TSGA13: variants seen among roughly 807,000 people sequenced by gnomAD.
TSGA13 encodes the protein testis-specific gene 13 protein.
Under a neutral mutation model 35.1 loss-of-function variants are expected in TSGA13, and 37 were observed. The ratio of observed to expected loss-of-function variants is 1.05; its 90% CI spans 0.81 to 1.39. TSGA13 has a LOEUF of 1.39. Ranked by LOEUF, TSGA13 falls within the 40% of genes most tolerant of loss-of-function variation. TSGA13 has a pLI of 0.00. For synonymous variants in TSGA13, 124 were observed against 121.2 expected, an observed-to-expected ratio of 1.02 and a Z score of -0.15; for missense variants, 338 against 328.5, an observed-to-expected ratio of 1.03 and a Z score of -0.22.
chr7:130,677,431 CT>C (rs200435239), intron 5 of TSGA13, among the ~76,000 whole-genome samples: 285 of 144,682 alleles, frequency 2.0e-3, no homozygotes, highest in Middle Eastern at 7.1e-3. Context: ...TTTGCTTTTT[CT>C]TTTTTTTTTT....
chr7:130,670,855 G>A (rs1043333640), intron 7 of TSGA13, among the ~76,000 whole-genome samples: 4 of 151,990 alleles, frequency 2.6e-5, no homozygotes, highest in African/African-American at 9.7e-5. Context: ...TCAAGCCCCT[G>A]GCCTCCAGCA....
chr7:130,670,589 A>T (rs1233469272), intron 7 of TSGA13, among the ~76,000 whole-genome samples: 3 of 152,160 alleles, frequency 2.0e-5, no homozygotes, highest in Non-Finnish European at 4.4e-5. Flanking sequence ...ATAATATTTA[A>T]GGCATTGTGG....
At chr7:130,676,457 T>A (rs999147210) in intron 5 of TSGA13, among the ~76,000 whole-genome samples, 1 of 152,242 alleles carries the variant, frequency 6.6e-6, no homozygotes, top group African/African-American at 2.4e-5. Context: ...CCAGTTTACA[T>A]GATAGCTTTG....
intron 5 of TSGA13, among the ~76,000 whole-genome samples, chr7:130,674,161 CTTTTTTTCTTTTTT>C (rs1182491264): frequency 8.7e-6 from 1 of 114,710 alleles, no homozygotes; most frequent in Non-Finnish European, 2.0e-5. Context: ...TCTTTTTTTT[CTTTTTTTCTTTTTT>C]TTTTTTTTTT....
At position 130,668,847 on chromosome 7, in the gene TSGA13, G is replaced by C; in HGVS notation, c.*167C>G. The stretch of plus-strand genomic sequence containing the variant: ...CCCTCGGCCCCCGGGACGCAGCCAC[G>C]CCCCCTTCTCCTCTTGCGGCCCGCC... On this transcript the variant is annotated 3_prime_UTR_variant, in exon 8 of 8. Transcript: ENST00000356588. 7.7e-7 allele frequency: 1 copy of C among 1,303,254 alleles called. No homozygotes were observed. The highest frequency in any genetic ancestry group is 1.5e-5 in the African/African-American group (1 of 64,532). The allele number at this position is 1,303,254 out of a possible 1,614,324, so 80.7% of individuals were successfully genotyped here.
chr7:130,687,351 A>G (rs544571787), upstream of TSGA13: 1 of 152,324 alleles, frequency 6.6e-6, no homozygotes, highest in East Asian at 1.9e-4. Flanking sequence ...CTGCCTCTTA[A>G]GCTGTGAGTC....
chr7:130,677,707 G>T (rs1485997713), intron 5 of TSGA13, among the ~76,000 whole-genome samples: 1 of 152,074 alleles, frequency 6.6e-6, no homozygotes, highest in Non-Finnish European at 1.5e-5. Flanking sequence ...TTACAGGCGT[G>T]AGCCACTGCG....
At position 130,683,607 on chromosome 7, in the gene TSGA13, A is replaced by G. The variant is rs1418903917; in HGVS notation, c.89T>C (p.Val30Ala). Residue 30 changes from valine to alanine, a missense_variant, in exon 3 of 8, where the codon GTC becomes GCC. Val to Ala is a moderately conservative substitution (Grantham distance 64, BLOSUM62 0). Coordinates refer to ENST00000356588, the MANE Select transcript of TSGA13 (RefSeq NM_052933.4). ...AACACTCCTTACCTCTTTGCTATTG[A>G]CAACCATTCCTTTCTCACGTTTAGC... is the stretch of plus-strand genomic sequence containing the variant. The part of the protein sequence containing the change: ...SSAKREKGMV[V>A]NSKEISDAVG... 3 of 1,613,786 alleles carry G rather than the reference A, an allele frequency of 1.9e-6. No homozygotes were observed. The African/African-American group carries it at 4.0e-5, about 22-fold the overall frequency.
At chr7:130,670,607 G>A (rs965199174) in intron 7 of TSGA13, among the ~76,000 whole-genome samples, 5 of 151,952 alleles carry the variant, frequency 3.3e-5, no homozygotes, top group African/African-American at 9.7e-5. Context: ...TGGTATTTTC[G>A]ATTTCTTGTT....
rs1796632906 is a variant in TSGA13, at chr7:130,685,125, G to T, written c.23+63C>A. On this transcript the variant is annotated intron_variant, in intron 2 of 7. Coordinates refer to ENST00000356588, the MANE Select transcript of TSGA13 (RefSeq NM_052933.4). Reference sequence around the variant, plus strand: ...ACCAGCACCATTCAACGTGCTGTGGGCTATGCAATAAGTTAATATAAAGTG... The same window carrying T: ...ACCAGCACCATTCAACGTGCTGTGGTCTATGCAATAAGTTAATATAAAGTG... 5 of 1,504,588 alleles carry T rather than the reference G, an allele frequency of 3.3e-6. No individual in the cohort carries two copies. In the Admixed American group the frequency reaches 8.4e-5, roughly 25 times the overall value. The allele number at this position is 1,504,588 out of a possible 1,614,324, so 93.2% of individuals were successfully genotyped here.
chr7:130,676,987 C>T (rs1198778904), intron 5 of TSGA13, among the ~76,000 whole-genome samples: 2 of 151,514 alleles, frequency 1.3e-5, no homozygotes, highest in African/African-American at 2.4e-5. Context: ...CCGCCTCCCA[C>T]GTTCACTCCA....
At chr7:130,673,758 G>A (rs1365398017) in intron 5 of TSGA13, among the ~76,000 whole-genome samples, 1 of 152,032 alleles carries the variant, frequency 6.6e-6, no homozygotes, top group Non-Finnish European at 1.5e-5. Flanking sequence ...AATATGCCAG[G>A]TGTAGTAACT....
chr7:130,679,241 T>A lies in TSGA13; in HGVS notation c.301A>T (p.Asn101Tyr), dbSNP rs1554464662. The change falls in exon 5 of 8, where the codon AAC becomes TAC. Residue 101 changes from asparagine (N) to tyrosine (Y), a missense_variant. Transcript: ENST00000356588. ...DQDKTLLIMT[N>Y]NPPPCSITQQ... ...GTGATTGAGCAGGGAGGTGGGTTGT[T>A]GGTCATAATCAGTAACGTCTTATCC... is the stretch of plus-strand genomic sequence containing the variant. The A allele has an allele frequency of 6.2e-7, 1 of 1,614,164 alleles. No individual in the cohort carries two copies.
At chr7:130,672,667 A>C in intron 6 of TSGA13, 67 bp downstream of exon 6, 1 of 1,569,900 alleles carries the variant, frequency 6.4e-7, no homozygotes, top group Non-Finnish European at 8.6e-7. Context: ...TGTATGGCAA[A>C]GAACCAGAAA....
At chr7:130,686,652 A>G (rs1796664673), upstream of TSGA13, 1 of 151,288 alleles carries the variant, frequency 6.6e-6, no homozygotes, top group East Asian at 1.9e-4. Context: ...ATATTTAAAC[A>G]AAATCTGCCA....
At chr7:130,683,094 G>T (rs1796586298) in intron 3 of TSGA13, among the ~76,000 whole-genome samples, 1 of 152,136 alleles carries the variant, frequency 6.6e-6, no homozygotes, top group Non-Finnish European at 1.5e-5. Context: ...TTTTACTCCT[G>T]AAGTTTTTTG....
rs574753981 is a variant in TSGA13 at position 130,676,521 on chromosome 7, C to T, written c.387+2634G>A. Among the ~76,000 whole-genome samples the T allele has an allele frequency of 2.6e-5, 4 of 152,368 alleles. No homozygotes were observed. In the South Asian group the frequency reaches 6.2e-4, roughly 24 times the overall value. ...ATCCTGGCCTGGCATTTATCCCTTTCTCAATGTATGGTCCACCCACTGCCA... is the reference window on the plus strand; with the variant it reads ...ATCCTGGCCTGGCATTTATCCCTTTTTCAATGTATGGTCCACCCACTGCCA... On this transcript the variant is annotated intron_variant, in intron 5 of 7. Coordinates refer to ENST00000356588, the MANE Select transcript of TSGA13 (RefSeq NM_052933.4).
intron 7 of TSGA13, among the ~76,000 whole-genome samples, chr7:130,669,731 A>T (rs1796210304): frequency 6.6e-6 from 1 of 152,264 alleles, no homozygotes. Context: ...TGAACTGTTG[A>T]TATCCTACAT....
rs151298405 is a variant in TSGA13, at chr7:130,671,719, C to A, written c.600G>T (p.Lys200Asn). 42 of 1,611,076 alleles carry A rather than the reference C, an allele frequency of 2.6e-5. No individual in the cohort carries two copies. In the African/African-American group the frequency reaches 5.5e-4, roughly 21 times the overall value. Reference sequence around the variant, plus strand: ...CAAAGGTGAGCTGAGGGTACATTTTCTTCTGTGTCCTCAAAGCGTAGACTT... The same window carrying A: ...CAAAGGTGAGCTGAGGGTACATTTTATTCTGTGTCCTCAAAGCGTAGACTT... ...YSKVYALRTQ[K>N]KMYPQLTFAP... The change falls in exon 7 of 8, where the codon AAG (lysine) becomes AAT (asparagine). Residue 200 changes from lysine to asparagine, a missense_variant. By Grantham distance (94) the Lys-to-Asn change is moderately conservative (BLOSUM62 0). Coordinates refer to ENST00000356588, the MANE Select transcript of TSGA13 (RefSeq NM_052933.4).
Sources: allele counts gnomAD v4.1 joint callset (sites outside exome capture counted in the v4.1 genomes callset), GRCh38; gene constraint gnomAD v4.1.1; transcripts MANE v1.5; gene names NCBI Gene and HGNC (gene_info 2026-07-23, HGNC 2026-07-21).